The following DACH1 variants were observed in gnomAD, a reference collection of about 807,000 sequenced individuals.
DACH1 encodes the protein dachshund family transcription factor 1.
In DACH1, 12 loss-of-function variants were observed where a neutral mutation model predicts 54.2. That is an observed-to-expected ratio of 0.22 (90% confidence interval 0.14 to 0.36). The LOEUF is 0.36. Among genes scored for constraint, DACH1 ranks in the 10% least tolerant of loss-of-function variants. DACH1 has a pLI of 1.00. For synonymous variants in DACH1, 386 were observed against 366.2 expected (o/e 1.05, Z -0.62); for missense variants, 805 against 929.8 (o/e 0.87, Z 1.75).
rs371833160 is a variant in DACH1, at chr13:71,517,833, C to T, written c.1571-28685G>A. ...TCTATCAAGCAAATTAATTTTACTC[C>T]TTGGCACTTTATTTTCCTATACCAA... On this transcript the variant is annotated intron_variant, in intron 6 of 10. Transcript: ENST00000613252. Among the ~76,000 whole-genome samples the T allele has an allele frequency of 1.2e-3, 177 of 152,008 alleles. 1 individual carries two copies. Among genetic ancestry groups the T allele is most frequent in the African/African-American group, 4.2e-3 (174 of 41,526 alleles).
chr13:71,675,718 A>G (rs1020220564), intron 2 of DACH1, among the ~76,000 whole-genome samples: 1 of 152,162 alleles, frequency 6.6e-6, no homozygotes, highest in African/African-American at 2.4e-5. Context: ...GCAAGTTAAA[A>G]TGTTTCAGTG....
chr13:71,813,107 T>G (rs1887781916), intron 1 of DACH1, among the ~76,000 whole-genome samples: 1 of 152,202 alleles, frequency 6.6e-6, no homozygotes, highest in African/African-American at 2.4e-5. Context: ...ATGGACTTTA[T>G]TCATTGAAAA....
intron 7 of DACH1, among the ~76,000 whole-genome samples, chr13:71,482,429 A>T: frequency 6.6e-6 from 1 of 152,242 alleles, no homozygotes. Flanking sequence ...AGAATCAGAC[A>T]ATATCTAAGG....
At position 71,677,823 on chromosome 13, in the gene DACH1, G is replaced by A. The variant is rs550590099; in HGVS notation, c.964+3972C>T. On this transcript the variant is annotated intron_variant, in intron 2 of 10. Coordinates refer to ENST00000613252, the MANE Select transcript of DACH1 (RefSeq NM_080759.6). Reference sequence around the variant, plus strand: ...CAAACTTTGCCTCCCGAGTTCAAGCGATTCTCCTGCCTCAGCATCCCAAAT... The same window carrying A: ...CAAACTTTGCCTCCCGAGTTCAAGCAATTCTCCTGCCTCAGCATCCCAAAT... Among the ~76,000 whole-genome samples, 5 of 152,132 alleles carry A rather than the reference G, an allele frequency of 3.3e-5. No individual in the cohort carries two copies. The East Asian group carries it at 9.7e-4, about 29-fold the overall frequency.
At chr13:71,742,043 C>CT (rs1204195032) in intron 1 of DACH1, among the ~76,000 whole-genome samples, 2 of 152,236 alleles carry the variant, frequency 1.3e-5, no homozygotes, top group South Asian at 2.1e-4. Flanking sequence ...GGGGGCCAGT[C>CT]TTTCCCCTGC....
intron 1 of DACH1, among the ~76,000 whole-genome samples, chr13:71,855,156 G>C (rs1873920777): frequency 6.6e-6 from 1 of 151,828 alleles, no homozygotes; most frequent in Admixed American, 6.6e-5. Context: ...GTTCTTATTG[G>C]GAAATAACCA....
intron 1 of DACH1, among the ~76,000 whole-genome samples, chr13:71,835,246 C>G (rs1164537062): frequency 6.6e-6 from 1 of 151,760 alleles, no homozygotes; most frequent in Non-Finnish European, 1.5e-5. Context: ...TAGAGCTTGC[C>G]AAGGCAAATA....
At chr13:71,618,864 A>G (rs1202433410) in intron 3 of DACH1, among the ~76,000 whole-genome samples, 1 of 151,884 alleles carries the variant, frequency 6.6e-6, no homozygotes, top group South Asian at 2.1e-4. Flanking sequence ...CAGAGGATCA[A>G]TTATGTGTCT....
intron 1 of DACH1, among the ~76,000 whole-genome samples, chr13:71,795,469 G>C (rs1408488971): frequency 6.6e-6 from 1 of 152,028 alleles, no homozygotes; most frequent in African/African-American, 2.4e-5. Context: ...CCATCTCTTC[G>C]AGGGAGGGCT....
At chr13:71,819,114 G>A (rs1888086848) in intron 1 of DACH1, among the ~76,000 whole-genome samples, 1 of 152,200 alleles carries the variant, frequency 6.6e-6, no homozygotes, top group Non-Finnish European at 1.5e-5. Flanking sequence ...AGATCAACCA[G>A]TTGCTGCAAT....
In DACH1 at chr13:71,503,767, G is replaced by C. The variant is rs1010357836; in HGVS notation, c.1571-14619C>G. ...TAAGCTTCTTGTCAGGAATATTACG[G>C]AAACTATTTCTTAGAAATTGACAGA... On this transcript the variant is annotated intron_variant, in intron 6 of 10. Transcript: ENST00000613252. 2.0e-5 allele frequency among the ~76,000 whole-genome samples: 3 copies of C among 152,142 alleles called. No individual in the cohort carries two copies. The South Asian group carries it at 6.2e-4, about 31-fold the overall frequency.
rs201515409 is a variant in DACH1, at chr13:71,484,816, C to T, written c.1722+4181G>A. ...GGCGCGGTGGCTCACGCCTGTAACC[C>T]CAGCACTTTGGGAGGTGGGTAGATT... is the stretch of plus-strand genomic sequence containing the variant. On this transcript the variant is annotated intron_variant, in intron 7 of 10. Transcript: ENST00000613252. Among the ~76,000 whole-genome samples the T allele has an allele frequency of 3.9e-5, 6 of 152,134 alleles. No individual in the cohort carries two copies. In the East Asian group the frequency reaches 5.8e-4, roughly 15 times the overall value.
At chr13:71,860,301 T>A (rs1222897654) in intron 1 of DACH1, among the ~76,000 whole-genome samples, 1 of 151,582 alleles carries the variant, frequency 6.6e-6, no homozygotes, top group Non-Finnish European at 1.5e-5. Flanking sequence ...AGTAAGAAAA[T>A]GGCACATGCT....
chr13:71,535,431 A>T (rs1882704971), intron 6 of DACH1, among the ~76,000 whole-genome samples: 1 of 151,982 alleles, frequency 6.6e-6, no homozygotes, highest in South Asian at 2.1e-4. Flanking sequence ...ACTCAAAAAT[A>T]AAGAGTGATT....
chr13:71,521,670 A>G (rs1011657066), intron 6 of DACH1, among the ~76,000 whole-genome samples: 6 of 152,008 alleles, frequency 3.9e-5, no homozygotes, highest in Non-Finnish European at 7.4e-5. Context: ...GTGATTCCTC[A>G]TGTCTTTTCT....
intron 2 of DACH1, among the ~76,000 whole-genome samples, chr13:71,652,303 T>C (rs1337803495): frequency 1.3e-5 from 2 of 152,174 alleles, no homozygotes; most frequent in East Asian, 3.9e-4. Flanking sequence ...GCAGATTGTC[T>C]TTCTTTTTCT....
chr13:71,593,493 A>T (rs1375049756), intron 3 of DACH1, among the ~76,000 whole-genome samples: 1 of 152,148 alleles, frequency 6.6e-6, no homozygotes, highest in African/African-American at 2.4e-5. Context: ...CTGGGTAATC[A>T]ATAATACTCC....
intron 1 of DACH1, among the ~76,000 whole-genome samples, chr13:71,770,959 A>G (rs1167213293): frequency 6.6e-6 from 1 of 151,532 alleles, no homozygotes; most frequent in East Asian, 1.9e-4. Flanking sequence ...TAGGATTGCT[A>G]GCAATTATTA....
intron 1 of DACH1, among the ~76,000 whole-genome samples, chr13:71,688,524 C>G: frequency 6.6e-6 from 1 of 152,156 alleles, no homozygotes; most frequent in East Asian, 1.9e-4. Context: ...TTCTCACGTT[C>G]CACATTTGTT....
Sources: gnomAD v4.1 joint callset for allele counts (sites outside exome capture counted in the v4.1 genomes callset) on GRCh38, gnomAD v4.1.1 for gene constraint, MANE v1.5 for transcripts, NCBI Gene and HGNC (gene_info 2026-07-23, HGNC 2026-07-21) for gene names.